TBC1D5: variants seen among roughly 807,000 people sequenced by gnomAD.
TBC1D5 encodes the protein TBC1 domain family member 5, also known as TBC1 domain family, member 5.
A neutral mutation model predicts 100.3 loss-of-function variants in TBC1D5; 75 were observed. The observed-to-expected ratio is 0.75, with a 90% CI of 0.62 to 0.91. The LOEUF is 0.91. Ranked by LOEUF, TBC1D5 falls within the 40% of genes least tolerant of loss-of-function variation. The pLI, the probability that TBC1D5 is intolerant of heterozygous loss-of-function variation, is 0.00. For synonymous variants in TBC1D5, 323 were observed against 325.6 expected (o/e 0.99, Z 0.09); for missense variants, 910 against 942.4 (o/e 0.97, Z 0.45).
chr3:17,681,302 T>C (rs557057696), intron 1 of TBC1D5, among the ~76,000 whole-genome samples: 1 of 151,778 alleles, frequency 6.6e-6, no homozygotes, highest in South Asian at 2.1e-4. Context: ...ATTTTTCCAA[T>C]TGTTTAATGC....
At chr3:17,287,176 A>T (rs1272447437) in intron 15 of TBC1D5, among the ~76,000 whole-genome samples, 2 of 152,246 alleles carry the variant, frequency 1.3e-5, no homozygotes, top group Admixed American at 1.3e-4. Flanking sequence ...CATGGGTTCC[A>T]GAAATATTCT....
At chr3:17,527,928 T>C (rs2096160031) in intron 2 of TBC1D5, among the ~76,000 whole-genome samples, 1 of 152,204 alleles carries the variant, frequency 6.6e-6, no homozygotes, top group South Asian at 2.1e-4. Context: ...TATCCAAACC[T>C]TATATTCTGT....
intron 1 of TBC1D5, among the ~76,000 whole-genome samples, chr3:17,683,448 T>G (rs2069780917): frequency 6.6e-6 from 1 of 151,718 alleles, no homozygotes; most frequent in Non-Finnish European, 1.5e-5. Flanking sequence ...TACAGTATTA[T>G]AAGAAGAATT....
chr3:17,195,447 G>C (rs1333803141), intron 18 of TBC1D5, among the ~76,000 whole-genome samples: 1 of 152,228 alleles, frequency 6.6e-6, no homozygotes, highest in Non-Finnish European at 1.5e-5. Flanking sequence ...AAAACCATCT[G>C]CGTGCTCTCC....
intron 2 of TBC1D5, among the ~76,000 whole-genome samples, chr3:17,567,462 A>G (rs2096600758): frequency 6.6e-6 from 1 of 151,748 alleles, no homozygotes; most frequent in Admixed American, 6.6e-5. Flanking sequence ...ATGGACAAAT[A>G]CTCCATGTTC....
intron 1 of TBC1D5, among the ~76,000 whole-genome samples, chr3:17,694,468 G>A (rs192511510): frequency 4.6e-5 from 7 of 152,254 alleles, no homozygotes; most frequent in South Asian, 2.1e-4. Flanking sequence ...GTCAACAGCC[G>A]ATTTGATCAA....
At chr3:17,613,347 C>A (rs369257170) in intron 2 of TBC1D5, among the ~76,000 whole-genome samples, 3 of 152,116 alleles carry the variant, frequency 2.0e-5, no homozygotes, top group Admixed American at 2.0e-4. Flanking sequence ...AATAAACATA[C>A]GTGTCTATGT....
exon 1 of TBC1D5, chr3:17,739,390 T>C (rs1577940915): frequency 6.6e-6 from 1 of 152,252 alleles, no homozygotes. Context: ...TAAAATGTGA[T>C]AATGACCAAT....
chr3:17,446,754 G>A (rs575985549), intron 3 of TBC1D5, among the ~76,000 whole-genome samples: 5 of 152,274 alleles, frequency 3.3e-5, no homozygotes, highest in East Asian at 1.9e-4. Context: ...GGTGGATCAC[G>A]ACGTCAGGAG....
chr3:17,718,857 G>C (rs901394412), intron 1 of TBC1D5, among the ~76,000 whole-genome samples: 1 of 151,940 alleles, frequency 6.6e-6, no homozygotes, highest in Non-Finnish European at 1.5e-5. Flanking sequence ...AAACCCTATA[G>C]ACAGATGACC....
At chr3:17,286,808 A>G (rs1373290612) in intron 15 of TBC1D5, among the ~76,000 whole-genome samples, 1 of 152,196 alleles carries the variant, frequency 6.6e-6, no homozygotes, top group African/African-American at 2.4e-5. Flanking sequence ...TGGTCTGAGG[A>G]TGGGGGTTCA....
intron 3 of TBC1D5, among the ~76,000 whole-genome samples, chr3:17,458,308 G>A (rs536739424): frequency 5.8e-4 from 88 of 152,294 alleles, no homozygotes; most frequent in African/African-American, 2.0e-3. Context: ...TACTTAAGGG[G>A]AATGGTAATT....
intron 3 of TBC1D5, among the ~76,000 whole-genome samples, chr3:17,438,885 G>A (rs1390897599): frequency 2.5e-4 from 38 of 151,974 alleles, no homozygotes; most frequent in Admixed American, 2.5e-3. Context: ...TTGATATTTA[G>A]GGAATTCTAA....
At chr3:17,509,700 CAA>C (rs534148914) in intron 2 of TBC1D5, among the ~76,000 whole-genome samples, 25 of 151,914 alleles carry the variant, frequency 1.6e-4, no homozygotes, top group Non-Finnish European at 3.2e-4. Context: ...ATATTTTTCT[CAA>C]AGTGTATCTG....
At chr3:17,677,853 G>A (rs1263425947) in intron 1 of TBC1D5, among the ~76,000 whole-genome samples, 1 of 152,136 alleles carries the variant, frequency 6.6e-6, no homozygotes, top group African/African-American at 2.4e-5. Flanking sequence ...GTAGGGACAT[G>A]GATGAAGCTG....
chr3:17,437,812 C>T (rs960860782), intron 3 of TBC1D5, among the ~76,000 whole-genome samples: 1 of 152,034 alleles, frequency 6.6e-6, no homozygotes, highest in Non-Finnish European at 1.5e-5. Context: ...GATACACAGG[C>T]CTTTCCTATT....
chr3:17,264,868 C>A (rs562905782), intron 15 of TBC1D5, among the ~76,000 whole-genome samples: 11 of 152,298 alleles, frequency 7.2e-5, no homozygotes, highest in African/African-American at 2.2e-4. Context: ...CACTGACAGA[C>A]ATGAATCAGA....
intron 13 of TBC1D5, among the ~76,000 whole-genome samples, chr3:17,332,115 C>A (rs1414314370): frequency 1.3e-5 from 2 of 152,038 alleles, no homozygotes; most frequent in East Asian, 1.9e-4. Context: ...GAAGACCAGT[C>A]GGGGGCATCT....
At chr3:17,596,583 G>C (rs1378221737) in intron 2 of TBC1D5, among the ~76,000 whole-genome samples, 2 of 150,538 alleles carry the variant, frequency 1.3e-5, no homozygotes, top group Non-Finnish European at 2.9e-5. Context: ...CTCCCAAAGT[G>C]TTGGGATTAC....
Sources: allele counts gnomAD v4.1 joint callset (sites outside exome capture counted in the v4.1 genomes callset), GRCh38; gene constraint gnomAD v4.1.1; transcripts MANE v1.5; gene names NCBI Gene and HGNC (gene_info 2026-07-23, HGNC 2026-07-21).